TMTC2: variants seen among roughly 807,000 people sequenced by gnomAD.
TMTC2 encodes the protein protein O-mannosyl-transferase TMTC2.
In TMTC2, 43 loss-of-function variants were observed where a neutral mutation model predicts 82.4. That is an observed-to-expected ratio of 0.52 (90% CI 0.41 to 0.67). The LOEUF (loss-of-function observed/expected upper bound fraction) is 0.67, where lower values mean the gene tolerates loss of function less well. Among genes scored for constraint, TMTC2 ranks in the 30% least tolerant of loss-of-function variants. The pLI is 0.00. For synonymous variants in TMTC2, 408 were observed against 381.9 expected, an observed-to-expected ratio of 1.07 and a Z score of -0.80; for missense variants, 919 against 1,012.4, an observed-to-expected ratio of 0.91 and a Z score of 1.25.
intron 11 of TMTC2, among the ~76,000 whole-genome samples, chr12:83,129,128 C>CTA (rs1411879581): frequency 1.3e-5 from 2 of 152,144 alleles, no homozygotes; most frequent in Middle Eastern, 3.4e-3. Context: ...TTTTATTTTA[C>CTA]TAAAATAGCC....
rs190355153 is a variant in TMTC2 at position 82,940,051 on chromosome 12, G to A, written c.1598+9506G>A. On this transcript the variant is annotated intron_variant, in intron 4 of 11. Transcript: ENST00000321196. The stretch of plus-strand genomic sequence containing the variant: ...TTTTTTTTTTTTGAGACGGAGTTTC[G>A]CTCTTGTTGCCCAGGCTAGAGTGCA... Among the ~76,000 whole-genome samples, 493 of 112,612 alleles carry A rather than the reference G, an allele frequency of 4.4e-3. 6 individuals carry two copies. Among genetic ancestry groups the A allele is most frequent in the African/African-American group, 0.017 (478 of 28,704 alleles). 73.9% of individuals were successfully genotyped at this position (112,612 alleles called of 152,430 possible).
chr12:82,950,976 A>G (rs1265001318), intron 4 of TMTC2, among the ~76,000 whole-genome samples: 2 of 152,220 alleles, frequency 1.3e-5, no homozygotes, highest in African/African-American at 2.4e-5. Context: ...TGGCATTATT[A>G]TACTTTATTT....
chr12:83,041,546 A>T (rs969171301), intron 9 of TMTC2, among the ~76,000 whole-genome samples: 2 of 152,202 alleles, frequency 1.3e-5, no homozygotes, highest in African/African-American at 4.8e-5. Flanking sequence ...TATGAAAAAA[A>T]TTTTGAATAA....
intron 1 of TMTC2, among the ~76,000 whole-genome samples, chr12:82,826,697 G>A (rs1327941022): frequency 6.6e-6 from 1 of 152,032 alleles, no homozygotes; most frequent in Non-Finnish European, 1.5e-5. Context: ...TTCCCCTCTT[G>A]TTGAATGTAT....
intron 1 of TMTC2, among the ~76,000 whole-genome samples, chr12:82,825,492 G>A (rs1869364020): frequency 6.6e-6 from 1 of 152,116 alleles, no homozygotes; most frequent in South Asian, 2.1e-4. Flanking sequence ...ATTCAACCAA[G>A]TTTTCCTTGT....
At chr12:82,706,726 G>A (rs1040944570) in intron 1 of TMTC2, among the ~76,000 whole-genome samples, 3 of 152,214 alleles carry the variant, frequency 2.0e-5, no homozygotes, top group Non-Finnish European at 4.4e-5. Flanking sequence ...TACTTGGTAA[G>A]TAGCTGAATG....
chr12:82,867,511 A>G (rs904224673), intron 2 of TMTC2, among the ~76,000 whole-genome samples: 6 of 152,228 alleles, frequency 3.9e-5, no homozygotes, highest in Non-Finnish European at 7.3e-5. Flanking sequence ...GAGCACATGG[A>G]AAATATATCC....
At chr12:82,788,153 A>C (rs546291276) in intron 1 of TMTC2, among the ~76,000 whole-genome samples, 5 of 152,086 alleles carry the variant, frequency 3.3e-5, no homozygotes, top group Non-Finnish European at 7.4e-5. Context: ...CAGATCTGCT[A>C]CTATATTTTA....
chr12:82,814,572 C>T lies in TMTC2; in HGVS notation c.84-42438C>T, dbSNP rs369963148. On this transcript the variant is annotated intron_variant, in intron 1 of 11. Transcript: ENST00000321196. ...AATTGTTATCTTGCAGTAGTATTCA[C>T]GGAGGATTATAAAGGAAGCAAGTAG... is the stretch of plus-strand genomic sequence containing the variant. Among the ~76,000 whole-genome samples, 18 of 152,006 alleles carry T rather than the reference C, an allele frequency of 1.2e-4. 2 individuals carry two copies. Among genetic ancestry groups the T allele is most frequent in the South Asian group, 4.2e-4 (2 of 4,818 alleles).
At chr12:82,934,826 A>G (rs1018210297) in intron 4 of TMTC2, among the ~76,000 whole-genome samples, 1 of 152,164 alleles carries the variant, frequency 6.6e-6, no homozygotes, top group Non-Finnish European at 1.5e-5. Context: ...GAACTAATTT[A>G]GACTCCACCA....
intron 1 of TMTC2, among the ~76,000 whole-genome samples, chr12:82,711,920 TAGAG>T (rs1246190451): frequency 5.3e-5 from 8 of 152,236 alleles, no homozygotes; most frequent in African/African-American, 1.4e-4. Flanking sequence ...CAGCTCCTCT[TAGAG>T]AGAAGTGAAT....
intron 8 of TMTC2, among the ~76,000 whole-genome samples, chr12:83,011,694 C>G (rs1486345816): frequency 6.6e-6 from 1 of 152,126 alleles, no homozygotes; most frequent in African/African-American, 2.4e-5. Flanking sequence ...TCTTGCCTCT[C>G]CACTTAGCAA....
chr12:82,945,024 A>C (rs556642906), intron 4 of TMTC2, among the ~76,000 whole-genome samples: 1 of 152,286 alleles, frequency 6.6e-6, no homozygotes, highest in Non-Finnish European at 1.5e-5. Flanking sequence ...TTAGTTCTTA[A>C]ATGCTTTCAA....
chr12:82,963,045 A>G (rs1878013202), intron 4 of TMTC2, among the ~76,000 whole-genome samples: 1 of 151,916 alleles, frequency 6.6e-6, no homozygotes, highest in African/African-American at 2.4e-5. Flanking sequence ...TGAGGGTTTG[A>G]TGATTGGTAG....
chr12:82,879,072 A>T (rs1592596549), intron 2 of TMTC2, among the ~76,000 whole-genome samples: 1 of 152,310 alleles, frequency 6.6e-6, no homozygotes, highest in East Asian at 1.9e-4. Context: ...TCTGGATTTT[A>T]TAGATACAAA....
In TMTC2 at chr12:82,930,563, C is replaced by T. The variant is rs1367842853; in HGVS notation, c.1598+18C>T. 1 of 1,530,964 alleles carries T rather than the reference C, an allele frequency of 6.5e-7. No individual in the cohort carries two copies. The highest frequency in any genetic ancestry group is 2.3e-5 in the East Asian group (1 of 43,488). The allele number at this position is 1,530,964 out of a possible 1,614,324, so 94.8% of individuals were successfully genotyped here. On this transcript the variant is annotated intron_variant, in intron 4 of 11. Transcript: ENST00000321196. ...TATAATTTGTGAGTATGCCTTGCTTCTCTGGTTTGGTTCGTCTTTGAAACC... is the reference window on the plus strand; with the variant it reads ...TATAATTTGTGAGTATGCCTTGCTTTTCTGGTTTGGTTCGTCTTTGAAACC...
chr12:82,820,613 G>T (rs1255282684), intron 1 of TMTC2, among the ~76,000 whole-genome samples: 1 of 152,068 alleles, frequency 6.6e-6, no homozygotes, highest in Non-Finnish European at 1.5e-5. Flanking sequence ...GACCTCAGGT[G>T]ATCTGCCTGC....
Position 82,948,063 on chromosome 12 carries a change from C to A in TMTC2, c.1599-16961C>A, listed in dbSNP as rs181014991. ...TGCACCAAAATTAAATCAACAAATGCAACTTTAGAAAGATTGTTACAGGCC... is the reference window on the plus strand; with the variant it reads ...TGCACCAAAATTAAATCAACAAATGAAACTTTAGAAAGATTGTTACAGGCC... On this transcript the variant is annotated intron_variant, in intron 4 of 11. Transcript: ENST00000321196. 4.2e-3 allele frequency among the ~76,000 whole-genome samples: 634 copies of A among 152,266 alleles called. 4 individuals carry two copies. Among genetic ancestry groups the A allele is most frequent in the Non-Finnish European group, 7.0e-3 (476 of 68,006 alleles).
chr12:82,877,423 C>T (rs1036183968), intron 2 of TMTC2, among the ~76,000 whole-genome samples: 3 of 152,148 alleles, frequency 2.0e-5, no homozygotes, highest in Admixed American at 6.6e-5. Context: ...AACACTTCAG[C>T]TTACCTCCTA....
Sources: allele counts gnomAD v4.1 joint callset (sites outside exome capture counted in the v4.1 genomes callset), GRCh38; gene constraint gnomAD v4.1.1; transcripts MANE v1.5; gene names NCBI Gene and HGNC (gene_info 2026-07-23, HGNC 2026-07-21).